ZFP2: variants seen among roughly 807,000 people sequenced by gnomAD.
The protein encoded by ZFP2 is zinc finger protein ZFP2.
Under a neutral mutation model 36.1 loss-of-function variants are expected in ZFP2, and 33 were observed. That is an observed-to-expected ratio of 0.92 (90% CI 0.69 to 1.22). The LOEUF is 1.22. Among genes scored for constraint, ZFP2 ranks in the 50% most tolerant of loss-of-function variants. The probability of loss-of-function intolerance (pLI) is 0.00; values close to 1 mark genes in which losing one functional copy is unlikely to be tolerated. For synonymous variants in ZFP2, 170 were observed against 178.0 expected, an observed-to-expected ratio of 0.96 and a Z score of 0.36; for missense variants, 522 against 551.4, an observed-to-expected ratio of 0.95 and a Z score of 0.53.
intron 1 of ZFP2, among the ~76,000 whole-genome samples, chr5:178,898,062 C>T (rs181265547): frequency 2.5e-4 from 38 of 152,138 alleles, no homozygotes; most frequent in Admixed American, 5.9e-4. Context: ...GTGATCTCGA[C>T]ACTGCAACCT....
Position 178,915,170 on chromosome 5 carries a change from A to G in ZFP2, c.-223-1395A>G, listed in dbSNP as rs1758392135. 1.3e-5 allele frequency among the ~76,000 whole-genome samples: 2 copies of G among 151,896 alleles called. 1 individual carries two copies. Among genetic ancestry groups the G allele is most frequent in the Middle Eastern group, 6.3e-3 (2 of 316 alleles). On this transcript the variant is annotated intron_variant, in intron 3 of 4. Transcript: ENST00000361362. ...TTTTCCTTGCTCCCTAGATTATTTT[A>G]TTGATGCCATTTTCATTGCTTATTG... is the stretch of plus-strand genomic sequence containing the variant.
At chr5:178,923,300 C>T (rs1031225860) in intron 4 of ZFP2, among the ~76,000 whole-genome samples, 2 of 149,720 alleles carry the variant, frequency 1.3e-5, no homozygotes, top group African/African-American at 4.9e-5. Flanking sequence ...GCATCCCATT[C>T]CCCGCTTCCG....
Position 178,931,488 on chromosome 5 carries a change from T to C in ZFP2, c.175T>C (p.Ser59Pro), listed in dbSNP as rs776866873. 3.7e-6 allele frequency: 6 copies of C among 1,614,170 alleles called. No homozygotes were observed. The highest frequency in any genetic ancestry group is 1.1e-5 in the South Asian group (1 of 91,070). Residue 59 changes from serine to proline, a missense_variant, in exon 5 of 5, where the codon TCA becomes CCA. By Grantham distance (74) the Ser-to-Pro change is moderately conservative. Coordinates refer to ENST00000361362, the MANE Select transcript of ZFP2 (RefSeq NM_030613.4). ...ATTTGAAAGATGTTCCAGTCAGGATTCAATCCTTGATACACAGCAAAGCAT... is the reference window on the plus strand; with the variant it reads ...ATTTGAAAGATGTTCCAGTCAGGATCCAATCCTTGATACACAGCAAAGCAT... ...NEFERCSSQDSILDTQQSIPM... is the reference protein window; with the variant it reads ...NEFERCSSQDPILDTQQSIPM...
At chr5:178,924,568 A>G (rs531157684) in intron 4 of ZFP2, among the ~76,000 whole-genome samples, 1 of 148,732 alleles carries the variant, frequency 6.7e-6, no homozygotes, top group African/African-American at 2.4e-5. Context: ...GGCCAGGCAC[A>G]GGGGCTCCCA....
Position 178,931,711 on chromosome 5 carries a change from A to T in ZFP2, c.398A>T (p.Asn133Ile). The T allele has an allele frequency of 1.2e-6, 2 of 1,614,102 alleles. No homozygotes were observed. The highest frequency in any genetic ancestry group is 2.2e-5 in the South Asian group (2 of 91,082). ...IHTGEKPYKC[N>I]VCGKHFIERS... is the part of the protein sequence containing the mutation. ...ACTGGGGAGAAACCCTATAAGTGTA[A>T]TGTATGTGGGAAACACTTCATTGAA... is the stretch of plus-strand genomic sequence containing the variant. Residue 133 changes from asparagine to isoleucine, a missense_variant, in exon 5 of 5, where the codon AAT becomes ATT. Coordinates refer to ENST00000361362, the MANE Select transcript of ZFP2 (RefSeq NM_030613.4).
At chr5:178,915,815 GCAATAC>G (rs1490341645) in intron 3 of ZFP2, 1 of 152,122 alleles carries the variant, frequency 6.6e-6, no homozygotes, top group Non-Finnish European at 1.5e-5. Flanking sequence ...GGGCAGCGGA[GCAATAC>G]CCACTAATAT....
intron 1 of ZFP2, among the ~76,000 whole-genome samples, chr5:178,907,324 C>CATATATATTTTATATAGTTAAAATAT (rs1561679054): frequency 1.3e-5 from 2 of 151,502 alleles, no homozygotes; most frequent in African/African-American, 4.8e-5. Flanking sequence ...TATGTGTACA[C>CATATATATTTTATATAGTTAAAATAT]ATATATATTT....
At chr5:178,917,296 C>T (rs930641909) in intron 4 of ZFP2, among the ~76,000 whole-genome samples, 1 of 152,152 alleles carries the variant, frequency 6.6e-6, no homozygotes. Flanking sequence ...ACATAGGAGC[C>T]TGCTGTCTGT....
In ZFP2 at chr5:178,903,523, C is replaced by G. The variant is rs150738220; in HGVS notation, c.-450+7549C>G. ...TGAGTTATTTACATATAAAAGAGGT[C>G]TTTCCTATAAAGTGGATAGTATTCC... On this transcript the variant is annotated intron_variant, in intron 1 of 4. Coordinates refer to ENST00000361362, the MANE Select transcript of ZFP2 (RefSeq NM_030613.4). 1.6e-3 allele frequency among the ~76,000 whole-genome samples: 245 copies of G among 152,282 alleles called. 1 individual carries two copies. Among genetic ancestry groups the G allele is most frequent in the African/African-American group, 5.6e-3 (233 of 41,552 alleles).
At chr5:178,897,410 A>C (rs942802087) in intron 1 of ZFP2, among the ~76,000 whole-genome samples, 28 of 152,236 alleles carry the variant, frequency 1.8e-4, no homozygotes, top group Admixed American at 1.2e-3. Flanking sequence ...CAGAAACGTC[A>C]CAGGTTCTTA....
chr5:178,926,248 AT>A (rs1758666716), intron 4 of ZFP2, among the ~76,000 whole-genome samples: 1 of 139,454 alleles, frequency 7.2e-6, no homozygotes, highest in African/African-American at 2.5e-5. Context: ...TTTTCTTCTC[AT>A]TCTCTGTTTT....
intron 3 of ZFP2, among the ~76,000 whole-genome samples, chr5:178,916,032 A>T (rs1275025266): frequency 1.3e-5 from 2 of 152,202 alleles, no homozygotes; most frequent in East Asian, 3.8e-4. Flanking sequence ...GGGATGAATG[A>T]ATGAGTGGGC....
In ZFP2 at chr5:178,909,530, A is replaced by G. The variant is rs1758244992; in HGVS notation, c.-449-3054A>G. ...TTTCACTCTTGACTTCTCTTTGCTCATTCCTTTGACTCTGCTGGACTTGTA... is the reference window on the plus strand; with the variant it reads ...TTTCACTCTTGACTTCTCTTTGCTCGTTCCTTTGACTCTGCTGGACTTGTA... On this transcript the variant is annotated intron_variant, in intron 1 of 4. Transcript: ENST00000361362. Among the ~76,000 whole-genome samples the G allele has an allele frequency of 2.0e-5, 3 of 152,138 alleles. No homozygotes were observed. The South Asian group carries it at 6.2e-4, about 32-fold the overall frequency.
intron 1 of ZFP2, among the ~76,000 whole-genome samples, chr5:178,912,355 C>T (rs1234694360): frequency 6.6e-6 from 1 of 152,138 alleles, no homozygotes; most frequent in African/African-American, 2.4e-5. Flanking sequence ...CTAGAGCCGC[C>T]TTTAGTGCCT....
intron 1 of ZFP2, among the ~76,000 whole-genome samples, chr5:178,912,233 C>T (rs1758313673): frequency 1.3e-5 from 2 of 152,198 alleles, no homozygotes; most frequent in South Asian, 4.1e-4. Context: ...TGTTGAGTGT[C>T]AAGTGTCCTG....
At chr5:178,927,274 G>C (rs952241443) in intron 4 of ZFP2, among the ~76,000 whole-genome samples, 2 of 152,158 alleles carry the variant, frequency 1.3e-5, no homozygotes, top group African/African-American at 4.8e-5. Flanking sequence ...CCTTAGGACT[G>C]TCTTACCCCT....
At position 178,931,867 on chromosome 5, in the gene ZFP2, C is replaced by T. The variant is rs1206047415; in HGVS notation, c.554C>T (p.Pro185Leu). The T allele has an allele frequency of 1.9e-6, 3 of 1,612,610 alleles. No homozygotes were observed. The African/African-American group carries it at 4.0e-5, about 22-fold the overall frequency. Reference protein sequence around the residue: ...VHQRTHTGEKPYQCKECGKAF... With the variant: ...VHQRTHTGEKLYQCKECGKAF... ...CAACGAACTCACACCGGAGAGAAAC[C>T]CTATCAGTGTAAAGAGTGTGGCAAA... The change falls in exon 5 of 5, where the codon CCC becomes CTC. Residue 185 changes from proline to leucine, a missense_variant. Transcript: ENST00000361362.
rs375480084 is a variant in ZFP2, at chr5:178,932,311, A to G, written c.998A>G (p.Lys333Arg). The change falls in exon 5 of 5, where the codon AAA becomes AGA. Residue 333 changes from lysine (K) to arginine (R), a missense_variant. Lys to Arg is a conservative substitution (Grantham distance 26, BLOSUM62 2). Coordinates refer to ENST00000361362, the MANE Select transcript of ZFP2 (RefSeq NM_030613.4). ...VKPFECNECG[K>R]AFSKNSSLTQ... ...CCTTTTGAATGTAACGAGTGTGGAA[A>G]AGCTTTCAGTAAGAATTCATCTCTA... 2 of 1,614,084 alleles carry G rather than the reference A, an allele frequency of 1.2e-6. No homozygotes were observed. The highest frequency in any genetic ancestry group is 1.7e-6 in the Non-Finnish European group (2 of 1,180,042).
rs374787703 is a variant in ZFP2, at chr5:178,912,516, G to A, written c.-449-68G>A. On this transcript the variant is annotated intron_variant, in intron 1 of 4. Coordinates refer to ENST00000361362, the MANE Select transcript of ZFP2 (RefSeq NM_030613.4). ...TCTCAGGCAGATCTTTGTCCTTTCA[G>A]TGCTGCTGGGATTTTCACTCCCCTC... The A allele has an allele frequency of 1.9e-3, 558 of 296,266 alleles. 2 individuals carry two copies. The highest frequency in any genetic ancestry group is 2.5e-3 in the Non-Finnish European group (491 of 198,900). The allele number at this position is 296,266 out of a possible 1,614,324, so 18.4% of individuals were successfully genotyped here.
Sources: gnomAD v4.1 joint callset for allele counts (sites outside exome capture counted in the v4.1 genomes callset) on GRCh38, gnomAD v4.1.1 for gene constraint, MANE v1.5 for transcripts, NCBI Gene and HGNC (gene_info 2026-07-23, HGNC 2026-07-21) for gene names.